Variants in SPATA2L observed in about 807,000 individuals in gnomAD.
SPATA2L encodes the protein spermatogenesis associated 2 like.
In SPATA2L, 5 loss-of-function variants were observed where a neutral mutation model predicts 8.7. The observed-to-expected ratio is 0.57, with a 90% CI of 0.30 to 1.21. The LOEUF is 1.21. Ranked by LOEUF, SPATA2L falls within the 50% of genes most tolerant of loss-of-function variation. The pLI is 0.07. For synonymous variants in SPATA2L, 358 were observed against 275.8 expected (o/e 1.30, Z -2.95); for missense variants, 671 against 591.0 (o/e 1.14, Z -1.40).
In SPATA2L at chr16:89,701,181, G is replaced by T. The variant is rs752290654; in HGVS notation, c.52C>A (p.Leu18Met). 3.4e-6 allele frequency: 5 copies of T among 1,486,308 alleles called. No individual in the cohort carries two copies. The South Asian group carries it at 3.8e-5, about 11-fold the overall frequency. The allele number at this position is 1,486,308 out of a possible 1,614,324, so 92.1% of individuals were successfully genotyped here. The change falls in exon 2 of 3, where the codon CTG (leucine) becomes ATG (methionine). Residue 18 changes from leucine to methionine, a missense_variant. Physicochemically the swap from Leu to Met is conservative, Grantham distance 15. Coordinates refer to ENST00000289805, the MANE Select transcript of SPATA2L (RefSeq NM_152339.4). Reference sequence around the variant, plus strand: ...CACACGCCCGCGCGGCCCCGTCGCAGCTCGCGCTCCAGGCACTGGCGGTAG... The same window carrying T: ...CACACGCCCGCGCGGCCCCGTCGCATCTCGCGCTCCAGGCACTGGCGGTAG... ...EDYRQCLERELRRGRAGVCGD... is the reference protein window; with the variant it reads ...EDYRQCLEREMRRGRAGVCGD...
intron 2 of SPATA2L, among the ~76,000 whole-genome samples, chr16:89,699,327 C>T (rs1357642389): frequency 7.2e-5 from 11 of 152,076 alleles, no homozygotes; most frequent in South Asian, 2.1e-4. Flanking sequence ...TTTTTCACCT[C>T]TTTGTAAGGT....
At chr16:89,700,312 C>A (rs924264470) in intron 2 of SPATA2L, among the ~76,000 whole-genome samples, 1 of 152,224 alleles carries the variant, frequency 6.6e-6, no homozygotes, top group African/African-American at 2.4e-5. Flanking sequence ...CCATGGCAAC[C>A]GGCGGAGGCG....
intron 2 of SPATA2L, among the ~76,000 whole-genome samples, chr16:89,698,910 C>G (rs574289578): frequency 2.6e-5 from 4 of 151,720 alleles, no homozygotes; most frequent in Non-Finnish European, 4.4e-5. Context: ...GCCTCAGCCT[C>G]CTGAGTAGCT....
At chr16:89,700,653 C>A (rs1328867932) in intron 2 of SPATA2L, among the ~76,000 whole-genome samples, 3 of 152,212 alleles carry the variant, frequency 2.0e-5, no homozygotes, top group Non-Finnish European at 4.4e-5. Context: ...GCAACTGGGG[C>A]CGCGAGGCCT....
chr16:89,698,218 G>C lies in SPATA2L; in HGVS notation c.391C>G (p.Arg131Gly). The change falls in exon 3 of 3, where the codon CGC (arginine) becomes GGC (glycine). Residue 131 changes from arginine to glycine, a missense_variant. By Grantham distance (125) the Arg-to-Gly change is moderately radical. Coordinates refer to ENST00000289805, the MANE Select transcript of SPATA2L (RefSeq NM_152339.4). ...ACCATGAGCCGATGGCTGTCTCTGC[G>C]TACGTAGCCCATCTTCTGGAAGCTC... is the stretch of plus-strand genomic sequence containing the variant. ...LKSFQKMGYV[R>G]RDSHRLMVTA... The C allele has an allele frequency of 1.9e-6, 3 of 1,612,512 alleles. No homozygotes were observed. Among genetic ancestry groups the C allele is most frequent in the South Asian group, 1.1e-5 (1 of 91,010 alleles).
rs1232805524 is a variant in SPATA2L at position 89,697,555 on chromosome 16, G to C, written c.1054C>G (p.Pro352Ala). The C allele has an allele frequency of 6.3e-7, 1 of 1,589,112 alleles. No homozygotes were observed. Among genetic ancestry groups the C allele is most frequent in the Admixed American group, 1.7e-5 (1 of 58,616 alleles). Residue 352 changes from proline to alanine, a missense_variant, in exon 3 of 3, where the codon CCC (proline) becomes GCC (alanine). Physicochemically the swap from Pro to Ala is conservative, Grantham distance 27 (BLOSUM62 -1). Transcript: ENST00000289805. ...CAGCTGTGTGCCTGGTAGCCTGGGG[G>C]CTCCGAGACAGACCTATAGGCTGAG... ...PASAYRSVSEPPGYQAHSCLS... is the reference protein window; with the variant it reads ...PASAYRSVSEAPGYQAHSCLS...
At position 89,701,069 on chromosome 16, in the gene SPATA2L, G is replaced by A; in HGVS notation, c.164C>T (p.Ala55Val). 2 of 1,573,718 alleles carry A rather than the reference G, an allele frequency of 1.3e-6. No individual in the cohort carries two copies. Among genetic ancestry groups the A allele is most frequent in the Non-Finnish European group, 1.7e-6 (2 of 1,164,262 alleles). Reference protein sequence around the residue: ...LHGALQDDALALLTDGLWGRA... With the variant: ...LHGALQDDALVLLTDGLWGRA... ...GCCCCACAGCCCGTCGGTGAGCAGA[G>A]CCAGCGCGTCGTCCTGCAGCGCCCC... Residue 55 changes from alanine to valine, a missense_variant, in exon 2 of 3, where the codon GCT becomes GTT. Coordinates refer to ENST00000289805, the MANE Select transcript of SPATA2L (RefSeq NM_152339.4).
In SPATA2L at chr16:89,700,037, G is replaced by A. The variant is rs1033158409; in HGVS notation, c.303+893C>T. Among the ~76,000 whole-genome samples the A allele has an allele frequency of 3.9e-5, 6 of 152,330 alleles. No individual in the cohort carries two copies. In the East Asian group the frequency reaches 9.7e-4, roughly 25 times the overall value. ...GCTCGGGGCTTTGATTCATTCCTCT[G>A]GCCCCATGAACTGGACTGTTCCCGT... On this transcript the variant is annotated intron_variant, in intron 2 of 2. Coordinates refer to ENST00000289805, the MANE Select transcript of SPATA2L (RefSeq NM_152339.4).
chr16:89,700,839 T>G, intron 2 of SPATA2L, 91 bp downstream of exon 2: 1 of 1,328,330 alleles, frequency 7.5e-7, no homozygotes, highest in East Asian at 2.9e-5. Flanking sequence ...TTGAAGCCCC[T>G]CTCTCTCGAA....
chr16:89,701,116 C>A lies in SPATA2L; in HGVS notation c.117G>T (p.Leu39=). Residue 39 remains leucine, a synonymous_variant, in exon 2 of 3, where the codon CTG becomes CTT. Coordinates refer to ENST00000289805, the MANE Select transcript of SPATA2L (RefSeq NM_152339.4). The stretch of plus-strand genomic sequence containing the variant: ...CCCCGTGCAGGTCGAAGTCCTCCAC[C>A]AGGATCTGCCAGAGCACCGCGCGCA... The part of the protein sequence containing the change: ...PSLRAVLWQI[L]VEDFDLHGAL... 6.4e-7 allele frequency: 1 copy of A among 1,551,732 alleles called. No individual in the cohort carries two copies. Among genetic ancestry groups the A allele is most frequent in the African/African-American group, 1.4e-5 (1 of 72,310 alleles).
Position 89,700,996 on chromosome 16 carries a change from C to T in SPATA2L, c.237G>A (p.Glu79=), listed in dbSNP as rs1381728864. 6.4e-7 allele frequency: 1 copy of T among 1,565,794 alleles called. No homozygotes were observed. The highest frequency in any genetic ancestry group is 2.4e-5 in the East Asian group (1 of 42,218). The stretch of plus-strand genomic sequence containing the variant: ...GGTGCACCGCGGCGAGCTCCAGAAG[C>T]TCGAAGGCGCGAGCCAGGCCGCGTA... ...PALRGLARAF[E]LLELAAVHLY... The change falls in exon 2 of 3, where the codon GAG becomes GAA. Residue 79 remains glutamate (E), a synonymous_variant. Transcript: ENST00000289805.
chr16:89,701,349 C>G (rs2060774719), intron 1 of SPATA2L, 116 bp from the exon 2 acceptor site: 1 of 1,130,378 alleles, frequency 8.8e-7, no homozygotes, highest in African/African-American at 1.6e-5. Context: ...AGACCCCGCC[C>G]CCAGCGGCTG....
chr16:89,701,481 G>A (rs2151612512), intron 1 of SPATA2L, 147 bp downstream of exon 1: 2 of 404,688 alleles, frequency 4.9e-6, no homozygotes, highest in East Asian at 7.3e-5. Context: ...CCTCCCTCCA[G>A]CCTGGGTACC....
Position 89,697,600 on chromosome 16 carries a change from G to C in SPATA2L, c.1009C>G (p.Arg337Gly), listed in dbSNP as rs756490472. 6.2e-7 allele frequency: 1 copy of C among 1,602,442 alleles called. No individual in the cohort carries two copies. The highest frequency in any genetic ancestry group is 1.3e-5 in the African/African-American group (1 of 74,884). ...GCTGAGGCTGGTACCCCCTCTGCCCGAATACGCCTCGGGCTGGCCGCTGCA... is the reference window on the plus strand; with the variant it reads ...GCTGAGGCTGGTACCCCCTCTGCCCCAATACGCCTCGGGCTGGCCGCTGCA... ...SSAAASPRRI[R>G]AEGVPASAYR... is the part of the protein sequence containing the mutation. Residue 337 changes from arginine (R) to glycine (G), a missense_variant, in exon 3 of 3, where the codon CGG (arginine) becomes GGG (glycine). By Grantham distance (125) the Arg-to-Gly change is moderately radical. Coordinates refer to ENST00000289805, the MANE Select transcript of SPATA2L (RefSeq NM_152339.4).
Position 89,697,969 on chromosome 16 carries a change from G to C in SPATA2L, c.640C>G (p.Pro214Ala). ...AQDEEPPPLP[P>A]RGSPAAYRAP... is the part of the protein sequence containing the mutation. Reference sequence around the variant, plus strand: ...CTGTAAGCAGCAGGGGAGCCTCGGGGGGGCAGGGGTGGCGGCTCCTCATCC... The same window carrying C: ...CTGTAAGCAGCAGGGGAGCCTCGGGCGGGCAGGGGTGGCGGCTCCTCATCC... The change falls in exon 3 of 3, where the codon CCC (proline) becomes GCC (alanine). Residue 214 changes from proline (P) to alanine (A), a missense_variant. Coordinates refer to ENST00000289805, the MANE Select transcript of SPATA2L (RefSeq NM_152339.4). 1 of 1,605,316 alleles carries C rather than the reference G, an allele frequency of 6.2e-7. No individual in the cohort carries two copies. Among genetic ancestry groups the C allele is most frequent in the South Asian group, 1.1e-5 (1 of 90,912 alleles).
chr16:89,698,124 C>G lies in SPATA2L; in HGVS notation c.485G>C (p.Cys162Ser), dbSNP rs766758194. 1.9e-6 allele frequency: 3 copies of G among 1,608,132 alleles called. No homozygotes were observed. The highest frequency in any genetic ancestry group is 2.2e-5 in the South Asian group (2 of 90,796). Residue 162 changes from cysteine (C) to serine (S), a missense_variant, in exon 3 of 3, where the codon TGT (cysteine) becomes TCT (serine). Coordinates refer to ENST00000289805, the MANE Select transcript of SPATA2L (RefSeq NM_152339.4). ...GGCCAGCACCTCACCCAGGATCTCA[C>G]ACTCCAGCCGGAGGGCGAAGCAGCC... is the stretch of plus-strand genomic sequence containing the variant. ...ALGCFALRLE[C>S]EILGEVLAQL... is the part of the protein sequence containing the mutation.
In SPATA2L at chr16:89,697,922, C is replaced by T; in HGVS notation, c.687G>A (p.Arg229=). 1.2e-6 allele frequency: 2 copies of T among 1,611,310 alleles called. No homozygotes were observed. Among genetic ancestry groups the T allele is most frequent in the Non-Finnish European group, 1.7e-6 (2 of 1,179,414 alleles). ...AAYRAPLDLY[R]DLQEDEGSED... is the part of the protein sequence containing the mutation. The stretch of plus-strand genomic sequence containing the variant: ...CCGACCCCTCGTCTTCCTGCAAGTC[C>T]CGGTATAAGTCCAGTGGGGCCCTGT... Residue 229 remains arginine, a synonymous_variant, in exon 3 of 3, where the codon CGG becomes CGA. Transcript: ENST00000289805.
In SPATA2L at chr16:89,697,820, G is replaced by C. The variant is rs750161310; in HGVS notation, c.789C>G (p.Leu263=). Residue 263 remains leucine, a synonymous_variant, in exon 3 of 3, where the codon CTC becomes CTG. Coordinates refer to ENST00000289805, the MANE Select transcript of SPATA2L (RefSeq NM_152339.4). ...CCCACAGTTTGGCACTCTGCTCCCA[G>C]AGTGGTGGCCTGTAGGCCAGCTCCG... ...PPAELAYRPP[L]WEQSAKLWGT... 6 of 1,604,968 alleles carry C rather than the reference G, an allele frequency of 3.7e-6. No individual in the cohort carries two copies. In the Admixed American group the frequency reaches 8.5e-5, roughly 23 times the overall value.
In SPATA2L at chr16:89,697,709, C is replaced by T; in HGVS notation, c.900G>A (p.Leu300=). 6.2e-7 allele frequency: 1 copy of T among 1,611,936 alleles called. No individual in the cohort carries two copies. Among genetic ancestry groups the T allele is most frequent in the South Asian group, 1.1e-5 (1 of 90,960 alleles). Residue 300 remains leucine, a synonymous_variant, in exon 3 of 3, where the codon CTG becomes CTA. Transcript: ENST00000289805. Reference sequence around the variant, plus strand: ...AGGAGAAGGCGGAAGGTTCAGGTTCCAGCCCCTCCTCCAAGGCCCCATATG... The same window carrying T: ...AGGAGAAGGCGGAAGGTTCAGGTTCTAGCCCCTCCTCCAAGGCCCCATATG... ...SPPYGALEEG[L]EPEPSAFSFL...
Sources: allele counts gnomAD v4.1 joint callset (sites outside exome capture counted in the v4.1 genomes callset), GRCh38; gene constraint gnomAD v4.1.1; transcripts MANE v1.5; gene names NCBI Gene and HGNC (gene_info 2026-07-23, HGNC 2026-07-21).